RASA1: variants seen among roughly 807,000 people sequenced by gnomAD.
The protein encoded by RASA1 is ras GTPase-activating protein 1.
In RASA1, 25 loss-of-function variants were observed where a neutral mutation model predicts 132.2. The observed-to-expected ratio is 0.19, with a 90% confidence interval of 0.14 to 0.26. The LOEUF (loss-of-function observed/expected upper bound fraction) is 0.26, where lower values mean the gene tolerates loss of function less well. Among genes scored for constraint, RASA1 ranks in the 10% least tolerant of loss-of-function variants. The pLI, the probability that RASA1 is intolerant of heterozygous loss-of-function variation, is 1.00. For missense variants in RASA1, 964 were observed against 1,299.2 expected (o/e 0.74, Z 3.97); for synonymous variants, 477 against 449.9 (o/e 1.06, Z -0.76).
At chr5:87,322,342 T>A (rs1756886487) in intron 1 of RASA1, among the ~76,000 whole-genome samples, 1 of 152,152 alleles carries the variant, frequency 6.6e-6, no homozygotes. Flanking sequence ...GCAAACCCTA[T>A]TGTGAACTCC....
At chr5:87,304,384 T>G (rs1023499911) in intron 1 of RASA1, among the ~76,000 whole-genome samples, 2 of 152,200 alleles carry the variant, frequency 1.3e-5, no homozygotes, top group African/African-American at 2.4e-5. Context: ...TTTTACTATT[T>G]CCCTAACAAT....
intron 20 of RASA1, among the ~76,000 whole-genome samples, chr5:87,381,877 C>T (rs1238551963): frequency 6.6e-6 from 1 of 152,168 alleles, no homozygotes; most frequent in South Asian, 2.1e-4. Flanking sequence ...CATAGACCTA[C>T]TATGTATAAT....
intron 1 of RASA1, among the ~76,000 whole-genome samples, chr5:87,309,531 T>C (rs1475037096): frequency 1.3e-5 from 2 of 152,110 alleles, no homozygotes; most frequent in African/African-American, 2.4e-5. Context: ...TAGTTTTCTA[T>C]TGGATGTACA....
intron 1 of RASA1, among the ~76,000 whole-genome samples, chr5:87,286,920 T>G (rs1422902120): frequency 1.3e-5 from 2 of 149,584 alleles, no homozygotes; most frequent in African/African-American, 2.5e-5. Context: ...GAACACCATA[T>G]ATATACATAC....
chr5:87,271,023 G>T (rs1442315990), intron 1 of RASA1, among the ~76,000 whole-genome samples: 1 of 152,192 alleles, frequency 6.6e-6, no homozygotes, highest in Non-Finnish European at 1.5e-5. Flanking sequence ...TGGATCACCT[G>T]AAGTCCGGAG....
At chr5:87,311,888 GC>G (rs1370250423) in intron 1 of RASA1, among the ~76,000 whole-genome samples, 6 of 152,222 alleles carry the variant, frequency 3.9e-5, no homozygotes, top group African/African-American at 1.4e-4. Context: ...CTCTTATTAA[GC>G]AGGATATTTC....
intron 1 of RASA1, among the ~76,000 whole-genome samples, chr5:87,284,659 C>A (rs1365497189): frequency 6.6e-6 from 1 of 152,130 alleles, no homozygotes; most frequent in African/African-American, 2.4e-5. Flanking sequence ...TAATTCTCCA[C>A]ATTTGTCATC....
At chr5:87,381,217 A>C (rs1761691561) in intron 20 of RASA1, among the ~76,000 whole-genome samples, 2 of 152,304 alleles carry the variant, frequency 1.3e-5, no homozygotes, top group South Asian at 2.1e-4. Context: ...CCAATGAAGA[A>C]GCAGATCTGT....
chr5:87,321,609 AGCCATATGGCAAGGTCTGGAT>A (rs1756813255), intron 1 of RASA1, among the ~76,000 whole-genome samples: 1 of 152,266 alleles, frequency 6.6e-6, no homozygotes, highest in African/African-American at 2.4e-5. Flanking sequence ...ACAAGTAAAC[AGCCATATGGCAAGGTCTGGAT>A]GCCATAGGGC....
At chr5:87,280,669 G>A (rs1754277142) in intron 1 of RASA1, among the ~76,000 whole-genome samples, 1 of 152,096 alleles carries the variant, frequency 6.6e-6, no homozygotes, top group African/African-American at 2.4e-5. Context: ...TGAAATGTCT[G>A]TGTCTTTGGC....
At chr5:87,314,179 GATAAAAA>G (rs1404593156) in intron 1 of RASA1, among the ~76,000 whole-genome samples, 71 of 151,922 alleles carry the variant, frequency 4.7e-4, no homozygotes, top group African/African-American at 1.2e-3. Flanking sequence ...GTCTCAAAAA[GATAAAAA>G]ATAAAAAATA....
chr5:87,316,373 G>A (rs549146929), intron 1 of RASA1, among the ~76,000 whole-genome samples: 1 of 152,306 alleles, frequency 6.6e-6, no homozygotes, highest in Non-Finnish European at 1.5e-5. Context: ...CTTTTCAAAA[G>A]ACAGTAATGG....
At chr5:87,295,292 A>C (rs1755070314) in intron 1 of RASA1, among the ~76,000 whole-genome samples, 1 of 152,020 alleles carries the variant, frequency 6.6e-6, no homozygotes, top group Admixed American at 6.6e-5. Flanking sequence ...CTACTTTGAC[A>C]GTGTCTTTTA....
chr5:87,354,139 GGGTGGGGTGGGAGGTGAGGAATCATTAAT>G (rs1475990130), intron 9 of RASA1, among the ~76,000 whole-genome samples: 1 of 151,988 alleles, frequency 6.6e-6, no homozygotes, highest in Non-Finnish European at 1.5e-5. Flanking sequence ...AATTGGTGGG[GGGTGGGGTGGGAGGTGAGGAATCATTAAT>G]CTGAAGCTAA....
intron 11 of RASA1, among the ~76,000 whole-genome samples, chr5:87,364,237 G>A (rs1167543909): frequency 6.6e-6 from 1 of 152,064 alleles, no homozygotes; most frequent in Non-Finnish European, 1.5e-5. Flanking sequence ...GCAAATCTAC[G>A]TTTTATCCTG....
chr5:87,296,549 C>G (rs1755127597), intron 1 of RASA1, among the ~76,000 whole-genome samples: 1 of 152,108 alleles, frequency 6.6e-6, no homozygotes, highest in Non-Finnish European at 1.5e-5. Context: ...CTTTATGTTT[C>G]TTTCACTCTA....
At chr5:87,343,691 C>T (rs1003265879) in intron 6 of RASA1, among the ~76,000 whole-genome samples, 2 of 152,066 alleles carry the variant, frequency 1.3e-5, no homozygotes, top group African/African-American at 2.4e-5. Flanking sequence ...AATAAAGCTA[C>T]CATATGATCC....
chr5:87,307,139 A>T (rs1341536004), intron 1 of RASA1, among the ~76,000 whole-genome samples: 1 of 152,172 alleles, frequency 6.6e-6, no homozygotes, highest in Non-Finnish European at 1.5e-5. Flanking sequence ...AAGTGTTGGG[A>T]TAACAGGTGT....
intron 1 of RASA1, among the ~76,000 whole-genome samples, chr5:87,272,081 G>A (rs573256492): frequency 1.1e-3 from 170 of 151,900 alleles, no homozygotes; most frequent in African/African-American, 4.0e-3. Flanking sequence ...CCAGGGAGGG[G>A]GCGGTTGCAG....
Sources: allele counts gnomAD v4.1 joint callset (sites outside exome capture counted in the v4.1 genomes callset), GRCh38; gene constraint gnomAD v4.1.1; transcripts MANE v1.5; gene names NCBI Gene and HGNC (gene_info 2026-07-23, HGNC 2026-07-21).